The following TNKS variants were observed in gnomAD, a reference collection of about 807,000 sequenced individuals.
The protein encoded by TNKS is poly [ADP-ribose] polymerase tankyrase-1.
Under a neutral mutation model 135.8 loss-of-function variants are expected in TNKS, and 72 were observed. The ratio of observed to expected loss-of-function variants is 0.53; its 90% confidence interval spans 0.44 to 0.64. TNKS has a LOEUF of 0.64. TNKS is among the 30% of genes least tolerant of loss of function. The probability of loss-of-function intolerance (pLI) is 0.00; values close to 1 mark genes in which losing one functional copy is unlikely to be tolerated. For synonymous variants in TNKS, 849 were observed against 649.3 expected, an observed-to-expected ratio of 1.31 and a Z score of -4.68; for missense variants, 1,769 against 1,674.0, an observed-to-expected ratio of 1.06 and a Z score of -0.99.
chr8:9,614,215 G>T (rs1799558420), intron 2 of TNKS, among the ~76,000 whole-genome samples: 1 of 152,174 alleles, frequency 6.6e-6, no homozygotes, highest in African/African-American at 2.4e-5. Context: ...ACTACACTTT[G>T]ATATTGTGGC....
At chr8:9,696,838 G>C (rs1195402312) in intron 5 of TNKS, among the ~76,000 whole-genome samples, 4 of 152,132 alleles carry the variant, frequency 2.6e-5, no homozygotes. Flanking sequence ...CATGCTCATG[G>C]ATTGGAAGAA....
chr8:9,577,772 A>G (rs915201161), intron 1 of TNKS, among the ~76,000 whole-genome samples: 8 of 152,112 alleles, frequency 5.3e-5, no homozygotes, highest in African/African-American at 1.9e-4. Context: ...TCCTTCTCAT[A>G]TTTCAAAATA....
intron 2 of TNKS, among the ~76,000 whole-genome samples, chr8:9,606,925 T>C (rs771843887): frequency 1.4e-4 from 21 of 152,092 alleles, no homozygotes; most frequent in Non-Finnish European, 2.6e-4. Flanking sequence ...CCAAGGTGTT[T>C]CCCATGTTTC....
At chr8:9,564,542 T>C (rs764535246) in intron 1 of TNKS, among the ~76,000 whole-genome samples, 19 of 152,254 alleles carry the variant, frequency 1.2e-4, no homozygotes, top group Non-Finnish European at 2.1e-4. Context: ...TAGTCTTTAA[T>C]ATTTTTAACA....
chr8:9,668,563 A>G (rs538615563), intron 3 of TNKS, among the ~76,000 whole-genome samples: 1 of 152,334 alleles, frequency 6.6e-6, no homozygotes, highest in East Asian at 1.9e-4. Flanking sequence ...AACTTGCCTA[A>G]AATTTTAAAA....
At chr8:9,648,639 A>G (rs1330703370) in intron 3 of TNKS, among the ~76,000 whole-genome samples, 1 of 152,232 alleles carries the variant, frequency 6.6e-6, no homozygotes, top group Non-Finnish European at 1.5e-5. Flanking sequence ...TGTTTACACC[A>G]GCATCACTAC....
chr8:9,756,437 T>C (rs1043415807), intron 20 of TNKS, among the ~76,000 whole-genome samples: 8 of 151,962 alleles, frequency 5.3e-5, no homozygotes, highest in African/African-American at 1.9e-4. Context: ...TAATCTTTAT[T>C]CTTAGTAATT....
chr8:9,633,225 C>G (rs1305707684), intron 3 of TNKS, among the ~76,000 whole-genome samples: 1 of 152,110 alleles, frequency 6.6e-6, no homozygotes, highest in East Asian at 1.9e-4. Context: ...TGATCCGGAA[C>G]TGGATTTTCT....
At chr8:9,754,305 C>T (rs796954596) in intron 20 of TNKS, among the ~76,000 whole-genome samples, 1 of 152,256 alleles carries the variant, frequency 6.6e-6, no homozygotes, top group African/African-American at 2.4e-5. Flanking sequence ...TTTCAATCAC[C>T]CACCTCTACA....
chr8:9,647,612 T>A (rs1026383583), intron 3 of TNKS, among the ~76,000 whole-genome samples: 1 of 152,216 alleles, frequency 6.6e-6, no homozygotes, highest in Non-Finnish European at 1.5e-5. Context: ...TAATTGCTTC[T>A]TCCTGTGTGC....
intron 1 of TNKS, chr8:9,575,340 C>T (rs1281135386): frequency 1.0e-6 from 1 of 960,582 alleles, no homozygotes; most frequent in Non-Finnish European, 1.2e-6. Context: ...CTGCTTCGGC[C>T]TCCCTAAATT....
chr8:9,765,073 G>T (rs1807353128), intron 23 of TNKS, among the ~76,000 whole-genome samples: 1 of 152,182 alleles, frequency 6.6e-6, no homozygotes. Context: ...CCCTGCTCAT[G>T]CACAAATACA....
chr8:9,664,867 C>T (rs547678881), intron 3 of TNKS, among the ~76,000 whole-genome samples: 5 of 152,296 alleles, frequency 3.3e-5, no homozygotes, highest in South Asian at 2.1e-4. Context: ...ATAAGGATTC[C>T]GTACTATATT....
intron 3 of TNKS, among the ~76,000 whole-genome samples, chr8:9,621,307 C>CTTT (rs61318743): frequency 7.0e-6 from 1 of 142,608 alleles, no homozygotes; most frequent in African/African-American, 2.6e-5. Flanking sequence ...CTTATTTTTG[C>CTTT]TTTTTTTTTT....
chr8:9,723,491 A>G (rs1469094060), intron 12 of TNKS, among the ~76,000 whole-genome samples: 1 of 152,230 alleles, frequency 6.6e-6, no homozygotes, highest in African/African-American at 2.4e-5. Flanking sequence ...GTTTACATTA[A>G]TAAAGTTTTC....
At chr8:9,733,196 A>G in intron 14 of TNKS, 83 bp from the exon 15 acceptor site, 1 of 1,335,760 alleles carries the variant, frequency 7.5e-7, no homozygotes, top group Non-Finnish European at 1.0e-6. Context: ...AGTACCATAG[A>G]AGAATGGTAG....
intron 11 of TNKS, among the ~76,000 whole-genome samples, chr8:9,714,010 C>G (rs1298862750): frequency 6.6e-6 from 1 of 152,166 alleles, no homozygotes; most frequent in East Asian, 1.9e-4. Context: ...GCTGCCTTCC[C>G]CTACTCTTGA....
chr8:9,666,741 A>C (rs1445637058), intron 3 of TNKS, among the ~76,000 whole-genome samples: 1 of 151,992 alleles, frequency 6.6e-6, no homozygotes, highest in Non-Finnish European at 1.5e-5. Context: ...AAAAAGTAAA[A>C]TACATAGCAA....
chr8:9,613,393 T>C (rs1799532070), intron 2 of TNKS, among the ~76,000 whole-genome samples: 1 of 152,234 alleles, frequency 6.6e-6, no homozygotes, highest in Non-Finnish European at 1.5e-5. Flanking sequence ...GGCAATCTTG[T>C]AATCTTGTAT....
Sources: gnomAD v4.1 joint callset for allele counts (sites outside exome capture counted in the v4.1 genomes callset) on GRCh38, gnomAD v4.1.1 for gene constraint, MANE v1.5 for transcripts, NCBI Gene and HGNC (gene_info 2026-07-23, HGNC 2026-07-21) for gene names.